The following FGF13 variants were observed in gnomAD, a reference collection of about 807,000 sequenced individuals.
The protein encoded by FGF13 is fibroblast growth factor 13.
A neutral mutation model predicts 19.5 loss-of-function variants in FGF13; 2 were observed. The ratio of observed to expected loss-of-function variants is 0.10; its 90% CI spans 0.04 to 0.32. The LOEUF (loss-of-function observed/expected upper bound fraction) is 0.32, where lower values mean the gene tolerates loss of function less well. FGF13 is among the 10% of genes least tolerant of loss of function. FGF13 has a pLI of 1.00. For synonymous variants in FGF13, 72 were observed against 76.9 expected (o/e 0.94, Z 0.33); for missense variants, 113 against 192.7 (o/e 0.59, Z 2.45).
intron 1 of FGF13, among the ~76,000 whole-genome samples, chrX:138,724,737 C>A (rs965923805): frequency 2.7e-5 from 3 of 111,668 alleles, no homozygotes; most frequent in African/African-American, 9.8e-5. Flanking sequence ...GAAACTCTCA[C>A]AAACCAGAGG....
At chrX:138,677,131 A>G (rs898023723) in intron 3 of FGF13, among the ~76,000 whole-genome samples, 9 of 112,311 alleles carry the variant, frequency 8.0e-5, no homozygotes, top group African/African-American at 2.9e-4. Context: ...ATGTGCTGAC[A>G]GAAAATTTCT....
intron 3 of FGF13, among the ~76,000 whole-genome samples, chrX:138,681,166 CA>C (rs759043580): frequency 0.032 from 1,287 of 40,829 alleles, 26 homozygotes; most frequent in Admixed American, 0.12. Flanking sequence ...AGAGTGAGAC[CA>C]AAAAAAAAAA....
At chrX:139,111,151 G>T (rs905162192) in intron 1 of FGF13, among the ~76,000 whole-genome samples, 3 of 112,202 alleles carry the variant, frequency 2.7e-5, no homozygotes, top group African/African-American at 9.7e-5. Flanking sequence ...TGGAGGGAGA[G>T]TAAATGCATC....
At chrX:138,924,165 G>A (rs1043727855) in intron 1 of FGF13, among the ~76,000 whole-genome samples, 1 of 112,123 alleles carries the variant, frequency 8.9e-6, no homozygotes, top group African/African-American at 3.2e-5. Flanking sequence ...GCAATGATGG[G>A]AATTTATTGG....
intron 2 of FGF13, among the ~76,000 whole-genome samples, chrX:138,703,961 G>A (rs1046290083): frequency 9.0e-6 from 1 of 111,451 alleles, no homozygotes; most frequent in Non-Finnish European, 1.9e-5. Flanking sequence ...TGATCTGCCT[G>A]CCTCGGCCTC....
intron 1 of FGF13, among the ~76,000 whole-genome samples, chrX:139,000,717 C>A (rs2092069130): frequency 8.9e-6 from 1 of 112,120 alleles, no homozygotes; most frequent in African/African-American, 3.2e-5. Context: ...ATTCCATGCT[C>A]ATGGATAGGA....
intron 1 of FGF13, among the ~76,000 whole-genome samples, chrX:138,887,798 T>G (rs777191680): frequency 1.8e-5 from 2 of 112,250 alleles, no homozygotes. Context: ...GTGGCTCCTG[T>G]AGTAACCTCT....
At chrX:138,836,020 T>G (rs1344300814) in intron 3 of FGF13, among the ~76,000 whole-genome samples, 3 of 111,587 alleles carry the variant, frequency 2.7e-5, no homozygotes, top group Admixed American at 1.9e-4. Flanking sequence ...CCCCAATGTC[T>G]TCTAGCTTAC....
chrX:139,021,488 C>T (rs142982697), intron 1 of FGF13, among the ~76,000 whole-genome samples: 4,599 of 111,128 alleles, frequency 0.041, 237 homozygotes, highest in African/African-American at 0.14. Flanking sequence ...AACTGCCAGA[C>T]CAACCATGCA....
intron 3 of FGF13, among the ~76,000 whole-genome samples, chrX:138,829,462 T>G (rs1163280614): frequency 2.7e-5 from 3 of 111,516 alleles, no homozygotes; most frequent in Non-Finnish European, 5.6e-5. Flanking sequence ...TGCTGCTTCT[T>G]CCATGAGTGG....
At chrX:138,655,999 A>C (rs2089432971) in intron 3 of FGF13, among the ~76,000 whole-genome samples, 1 of 112,203 alleles carries the variant, frequency 8.9e-6, no homozygotes, top group Admixed American at 9.5e-5. Flanking sequence ...TACTACATGC[A>C]TGAAAAGTGT....
At position 138,978,266 on chromosome X, in the gene FGF13, G is replaced by GTTTTTTTTTTT. The variant is rs10666140; in HGVS notation, c.-112-113627_-112-113617dup. On this transcript the variant is annotated intron_variant, in intron 1 of 2. Coordinates refer to the FGF13 transcript ENST00000421460. ...TAATCTCTATGGGCTAGCTGCCCTGGTTTTTTTTTTTTTTGAGATGGAGTC... is the reference window on the plus strand; with the variant it reads ...TAATCTCTATGGGCTAGCTGCCCTGGTTTTTTTTTTTTTTTTTTTTTTTTTGAGATGGAGTC... Among the ~76,000 whole-genome samples the GTTTTTTTTTTT allele has an allele frequency of 2.9e-4, 24 of 82,888 alleles. 1 individual carries two copies. Among genetic ancestry groups the GTTTTTTTTTTT allele is most frequent in the African/African-American group, 1.1e-3 (23 of 20,400 alleles). The allele number at this position is 82,888 out of a possible 115,157, so 72.0% of individuals were successfully genotyped here. A position where few individuals can be genotyped will look rare whatever the true frequency, so the allele number is the denominator to read the frequency against.
chrX:139,106,580 C>T (rs766285109), intron 1 of FGF13, among the ~76,000 whole-genome samples: 1 of 111,292 alleles, frequency 9.0e-6, no homozygotes. Context: ...TTTGGGCCTC[C>T]GAGATGTTTA....
upstream of FGF13, among the ~76,000 whole-genome samples, chrX:139,203,864 G>C (rs73634018): frequency 0.066 from 7,412 of 111,576 alleles, 493 homozygotes; most frequent in African/African-American, 0.2. Context: ...ATTCCGCGAG[G>C]AAGGAGGGAA....
intron 1 of FGF13, among the ~76,000 whole-genome samples, chrX:139,101,823 C>A (rs371619851): frequency 2.8e-4 from 31 of 111,711 alleles, no homozygotes; most frequent in South Asian, 2.3e-3. Flanking sequence ...ACAGCTGTCC[C>A]AATGGTGGTT....
chrX:138,737,622 G>A (rs142315453), intron 1 of FGF13, among the ~76,000 whole-genome samples: 1,675 of 112,050 alleles, frequency 0.015, 36 homozygotes, highest in African/African-American at 0.051. Flanking sequence ...AGCTTAGATG[G>A]CAATTTGACA....
chrX:138,686,379 G>C (rs1156546381), intron 3 of FGF13, among the ~76,000 whole-genome samples: 5 of 111,717 alleles, frequency 4.5e-5, no homozygotes, highest in African/African-American at 1.6e-4. Context: ...TAATTAATGT[G>C]CCAGAAATGA....
intron 1 of FGF13, among the ~76,000 whole-genome samples, chrX:139,014,274 G>A (rs1266728859): frequency 9.0e-6 from 1 of 111,367 alleles, no homozygotes; most frequent in African/African-American, 3.3e-5. Flanking sequence ...AGAAATAAAT[G>A]AATCTGAAAT....
At chrX:139,095,189 G>A (rs1226576272) in intron 1 of FGF13, among the ~76,000 whole-genome samples, 2 of 111,592 alleles carry the variant, frequency 1.8e-5, no homozygotes, top group Non-Finnish European at 3.8e-5. Context: ...GATGGGGTTG[G>A]AACTACCTGA....
Sources: gnomAD v4.1 joint callset for allele counts (sites outside exome capture counted in the v4.1 genomes callset) on GRCh38, gnomAD v4.1.1 for gene constraint, MANE v1.5 for transcripts, NCBI Gene and HGNC (gene_info 2026-07-23, HGNC 2026-07-21) for gene names.